PDE8A: variants seen among roughly 807,000 people sequenced by gnomAD.
PDE8A encodes high affinity cAMP-specific and IBMX-insensitive 3',5'-cyclic phosphodiesterase 8A.
Under a neutral mutation model 105.0 loss-of-function variants are expected in PDE8A, and 59 were observed. The ratio of observed to expected loss-of-function variants is 0.56; its 90% CI spans 0.46 to 0.70. The LOEUF is 0.70. PDE8A is among the 30% of genes least tolerant of loss of function. The probability of loss-of-function intolerance (pLI) is 0.00; values close to 1 mark genes in which losing one functional copy is unlikely to be tolerated. For synonymous variants in PDE8A, 355 were observed against 371.9 expected (o/e 0.95, Z 0.52); for missense variants, 1,014 against 1,045.9 (o/e 0.97, Z 0.42).
At chr15:85,062,332 TCTC>T (rs1194167530) in intron 1 of PDE8A, among the ~76,000 whole-genome samples, 1 of 152,222 alleles carries the variant, frequency 6.6e-6, no homozygotes, top group African/African-American at 2.4e-5. Flanking sequence ...CTCAAGGTCT[TCTC>T]AGGCATTTTC....
chr15:85,136,578 G>T lies in PDE8A; in HGVS notation c.2298G>T (p.Val766=). The change falls in exon 21 of 22, where the codon GTG becomes GTT. Residue 766 remains valine, a synonymous_variant. Transcript: ENST00000394553. ...KQQGLPVVMP[V]FDRNTCSIPK... ...AGGGCTTACCTGTGGTGATGCCAGT[G>T]TTTGACAGAAATACCTGCAGCATCC... is the stretch of plus-strand genomic sequence containing the variant. 6.2e-7 allele frequency: 1 copy of T among 1,613,936 alleles called. No homozygotes were observed. Among genetic ancestry groups the T allele is most frequent in the Non-Finnish European group, 8.5e-7 (1 of 1,179,860 alleles).
intron 1 of PDE8A, among the ~76,000 whole-genome samples, chr15:84,996,864 T>C (rs960725079): frequency 2.8e-5 from 4 of 141,860 alleles, no homozygotes; most frequent in African/African-American, 5.1e-5. Context: ...GGTACACTTA[T>C]ATAAGGCACT....
chr15:85,104,385 G>A (rs759023308), intron 11 of PDE8A, among the ~76,000 whole-genome samples: 2 of 152,154 alleles, frequency 1.3e-5, no homozygotes, highest in African/African-American at 2.4e-5. Context: ...GCGAGGCTGG[G>A]GCAGGCCAGT....
rs1596518682 is a variant in PDE8A at position 85,099,865 on chromosome 15, T to C, written c.942-150T>C. On this transcript the variant is annotated intron_variant, in intron 9 of 21. Coordinates refer to ENST00000394553, the MANE Select transcript of PDE8A (RefSeq NM_002605.3). ...ATGTTTGTGATCTCTTCTTTATTTA[T>C]TGGTGGCCTTGGTCACAGTGAGAAG... 9 of 659,492 alleles carry C rather than the reference T, an allele frequency of 1.4e-5. No individual in the cohort carries two copies. In the East Asian group the frequency reaches 2.3e-4, roughly 17 times the overall value. The allele number at this position is 659,492 out of a possible 1,614,324, so 40.9% of individuals were successfully genotyped here.
rs369101008 is a variant in PDE8A, at chr15:85,107,810, C to T, written c.1037-1243C>T. On this transcript the variant is annotated intron_variant, in intron 11 of 21. Transcript: ENST00000394553. Reference sequence around the variant, plus strand: ...AGAGAGGCCTGGGGTAAGATGGCAACATAGGAATTAATTAAAACTATAGGA... The same window carrying T: ...AGAGAGGCCTGGGGTAAGATGGCAATATAGGAATTAATTAAAACTATAGGA... Among the ~76,000 whole-genome samples, 7 of 151,994 alleles carry T rather than the reference C, an allele frequency of 4.6e-5. No homozygotes were observed. In the East Asian group the frequency reaches 9.6e-4, roughly 21 times the overall value.
intron 1 of PDE8A, among the ~76,000 whole-genome samples, chr15:85,020,114 A>G (rs1719653727): frequency 2.0e-5 from 3 of 152,010 alleles, no homozygotes; most frequent in Non-Finnish European, 2.9e-5. Context: ...CCCTTTATTT[A>G]AATGATCATG....
intron 1 of PDE8A, among the ~76,000 whole-genome samples, chr15:85,059,027 T>G (rs2081104878): frequency 6.6e-6 from 1 of 152,206 alleles, no homozygotes; most frequent in Non-Finnish European, 1.5e-5. Context: ...GCTATTAATG[T>G]TCCCCTTAGC....
At chr15:85,136,462 G>T in intron 20 of PDE8A, 72 bp from the exon 21 acceptor site, 1 of 1,511,174 alleles carries the variant, frequency 6.6e-7, no homozygotes. Flanking sequence ...AGCTCTTCCT[G>T]GGGGAGGGGC....
At chr15:85,064,776 G>A (rs2081195879) in intron 2 of PDE8A, among the ~76,000 whole-genome samples, 1 of 152,044 alleles carries the variant, frequency 6.6e-6, no homozygotes, top group Non-Finnish European at 1.5e-5. Context: ...AACCAGCCTG[G>A]GCAACATAGG....
chr15:85,088,627 C>T (rs370380904), intron 6 of PDE8A, among the ~76,000 whole-genome samples: 3 of 152,198 alleles, frequency 2.0e-5, no homozygotes, highest in Non-Finnish European at 2.9e-5. Context: ...AAAGGGGCTG[C>T]ACTTTTTTAC....
chr15:85,036,857 A>G (rs1326639732), intron 1 of PDE8A, among the ~76,000 whole-genome samples: 1 of 152,102 alleles, frequency 6.6e-6, no homozygotes, highest in Non-Finnish European at 1.5e-5. Flanking sequence ...GTCTTCTAAC[A>G]GCACTGGTCA....
chr15:85,018,300 G>A (rs1388173669), intron 1 of PDE8A, among the ~76,000 whole-genome samples: 2 of 152,184 alleles, frequency 1.3e-5, no homozygotes, highest in Non-Finnish European at 1.5e-5. Context: ...GACAAGATGA[G>A]TCTATGCCAG....
At chr15:85,135,712 A>G (rs776065068) in intron 20 of PDE8A, among the ~76,000 whole-genome samples, 1 of 152,114 alleles carries the variant, frequency 6.6e-6, no homozygotes, top group Admixed American at 6.5e-5. Context: ...CTCCAGCACC[A>G]TTGGGCCAAA....
chr15:84,984,736 C>T (rs1025117877), intron 1 of PDE8A, among the ~76,000 whole-genome samples: 3 of 152,074 alleles, frequency 2.0e-5, no homozygotes, highest in East Asian at 3.8e-4. Flanking sequence ...AAAAGAGTTC[C>T]GTGGTCTGGT....
In PDE8A at chr15:85,063,324, A is replaced by G. The variant is rs186965951; in HGVS notation, c.187-1046A>G. 114 of 152,250 alleles carry G rather than the reference A, an allele frequency of 7.5e-4. 1 individual carries two copies. Among genetic ancestry groups the G allele is most frequent in the Admixed American group, 7.5e-3 (114 of 15,280 alleles). 9.4% of individuals were successfully genotyped at this position (152,250 alleles called of 1,614,324 possible). On this transcript the variant is annotated intron_variant, in intron 1 of 21. Coordinates refer to ENST00000394553, the MANE Select transcript of PDE8A (RefSeq NM_002605.3). ...AAACATTTTGTAGGAAGTCTTATGG[A>G]TCTAGTTCTTCTGTTGCTGTGACGA...
At chr15:85,089,485 C>T in intron 7 of PDE8A, 69 bp downstream of exon 7, 2 of 803,872 alleles carry the variant, frequency 2.5e-6, no homozygotes, top group Non-Finnish European at 4.1e-6. Context: ...AGGATTGAAC[C>T]TCTCCAATAT....
intron 1 of PDE8A, among the ~76,000 whole-genome samples, chr15:84,990,398 C>G (rs2079868881): frequency 6.6e-6 from 1 of 152,126 alleles, no homozygotes; most frequent in African/African-American, 2.4e-5. Flanking sequence ...ATTCTTACCC[C>G]CAGCCACCAG....
At chr15:85,008,327 A>G (rs898297396) in intron 1 of PDE8A, among the ~76,000 whole-genome samples, 2 of 151,994 alleles carry the variant, frequency 1.3e-5, no homozygotes, top group South Asian at 2.1e-4. Context: ...TTGCTTCAAT[A>G]TATTTTCAGA....
intron 1 of PDE8A, among the ~76,000 whole-genome samples, chr15:84,990,681 C>CT (rs576772811): frequency 1.3e-5 from 2 of 152,194 alleles, no homozygotes; most frequent in Non-Finnish European, 2.9e-5. Flanking sequence ...ACTAAAGCTA[C>CT]TATGAATATT....
Sources: gnomAD v4.1 joint callset for allele counts (sites outside exome capture counted in the v4.1 genomes callset) on GRCh38, gnomAD v4.1.1 for gene constraint, MANE v1.5 for transcripts, NCBI Gene and HGNC (gene_info 2026-07-23, HGNC 2026-07-21) for gene names.